KCND2: variants seen among roughly 807,000 people sequenced by gnomAD.
The protein encoded by KCND2 is potassium voltage-gated channel subfamily D member 2.
In KCND2, 16 loss-of-function variants were observed where a neutral mutation model predicts 54.4. The observed-to-expected ratio is 0.29, with a 90% CI of 0.20 to 0.45. The LOEUF is 0.45. KCND2 is among the 20% of genes least tolerant of loss of function. The probability of loss-of-function intolerance (pLI) is 1.00; values close to 1 mark genes in which losing one functional copy is unlikely to be tolerated. For synonymous variants in KCND2, 317 were observed against 310.7 expected (o/e 1.02, Z -0.21); for missense variants, 486 against 824.2 (o/e 0.59, Z 5.02).
chr7:120,402,196 T>C (rs1430949686), intron 1 of KCND2, among the ~76,000 whole-genome samples: 4 of 152,178 alleles, frequency 2.6e-5, no homozygotes, highest in African/African-American at 9.6e-5. Flanking sequence ...CCATTGGCTC[T>C]GTGCTCCCAT....
chr7:120,718,490 T>G (rs1792629981), intron 1 of KCND2, among the ~76,000 whole-genome samples: 2 of 152,180 alleles, frequency 1.3e-5, no homozygotes, highest in South Asian at 4.1e-4. Context: ...TAAGGTTTTA[T>G]TGGATTACAC....
At chr7:120,630,894 C>T (rs1793225851) in intron 1 of KCND2, among the ~76,000 whole-genome samples, 1 of 152,066 alleles carries the variant, frequency 6.6e-6, no homozygotes, top group Non-Finnish European at 1.5e-5. Flanking sequence ...GGTATATGTG[C>T]CTGTTAATGT....
At chr7:120,659,867 AATAGAC>A (rs1397252854) in intron 1 of KCND2, among the ~76,000 whole-genome samples, 1 of 152,214 alleles carries the variant, frequency 6.6e-6, no homozygotes, top group Admixed American at 6.5e-5. Context: ...TTGAAAAAGA[AATAGAC>A]ATAGAAGCAG....
chr7:120,300,773 A>G (rs1290733314), intron 1 of KCND2, among the ~76,000 whole-genome samples: 1 of 152,034 alleles, frequency 6.6e-6, no homozygotes, highest in East Asian at 1.9e-4. Flanking sequence ...TTATAGGCCA[A>G]CTTTGCCCTA....
chr7:120,486,563 C>T (rs527255912), intron 1 of KCND2, among the ~76,000 whole-genome samples: 1 of 152,176 alleles, frequency 6.6e-6, no homozygotes, highest in Admixed American at 6.6e-5. Flanking sequence ...AGCCAATATG[C>T]ACATTCATGG....
At chr7:120,452,666 C>T (rs770327876) in intron 1 of KCND2, among the ~76,000 whole-genome samples, 6 of 152,248 alleles carry the variant, frequency 3.9e-5, no homozygotes, top group East Asian at 1.9e-4. Context: ...GAAGCCCTGA[C>T]GCCCCCATGG....
chr7:120,364,138 A>G (rs967071259), intron 1 of KCND2, among the ~76,000 whole-genome samples: 1 of 152,168 alleles, frequency 6.6e-6, no homozygotes, highest in Non-Finnish European at 1.5e-5. Flanking sequence ...TTATATTTCT[A>G]CCACTTTGAG....
intron 1 of KCND2, among the ~76,000 whole-genome samples, chr7:120,400,339 A>G (rs996833505): frequency 2.0e-5 from 3 of 152,176 alleles, no homozygotes; most frequent in Non-Finnish European, 4.4e-5. Flanking sequence ...TTTCACTATA[A>G]ACTAAACAGC....
chr7:120,399,051 A>G (rs771636586), intron 1 of KCND2, among the ~76,000 whole-genome samples: 3 of 151,512 alleles, frequency 2.0e-5, no homozygotes, highest in Non-Finnish European at 4.4e-5. Context: ...TCCTCTTAAC[A>G]CCCACTTTAC....
At chr7:120,543,001 C>A (rs538312426) in intron 1 of KCND2, among the ~76,000 whole-genome samples, 1 of 152,164 alleles carries the variant, frequency 6.6e-6, no homozygotes, top group African/African-American at 2.4e-5. Context: ...ATAATACACA[C>A]TCCTACATAT....
intron 1 of KCND2, among the ~76,000 whole-genome samples, chr7:120,506,577 T>C (rs140930434): frequency 3.0e-4 from 46 of 152,006 alleles, no homozygotes; most frequent in African/African-American, 1.0e-3. Context: ...TTACAAAACA[T>C]TTATTTTCAT....
intron 1 of KCND2, chr7:120,464,023 T>TA: frequency 1.0e-6 from 1 of 981,126 alleles, no homozygotes; most frequent in Non-Finnish European, 1.2e-6. Flanking sequence ...TTTTGTTTTT[T>TA]TTTTTTTTTC....
At chr7:120,576,620 AT>A (rs543655186) in intron 1 of KCND2, among the ~76,000 whole-genome samples, 45 of 149,152 alleles carry the variant, frequency 3.0e-4, no homozygotes, top group Middle Eastern at 3.5e-3. Flanking sequence ...ATTGAGTACT[AT>A]TTTTTTTTTC....
chr7:120,739,691 C>T (rs773563563), intron 2 of KCND2, among the ~76,000 whole-genome samples: 8 of 151,616 alleles, frequency 5.3e-5, no homozygotes, highest in Non-Finnish European at 8.8e-5. Flanking sequence ...TATCTTAATG[C>T]GATTTTGAGA....
chr7:120,489,098 G>A (rs934681558), intron 1 of KCND2, among the ~76,000 whole-genome samples: 1 of 151,960 alleles, frequency 6.6e-6, no homozygotes, highest in African/African-American at 2.4e-5. Flanking sequence ...TTAAACATGG[G>A]CCAAAATAAT....
intron 1 of KCND2, among the ~76,000 whole-genome samples, chr7:120,308,178 A>G (rs1398894309): frequency 3.3e-5 from 5 of 152,122 alleles, no homozygotes. Flanking sequence ...GAGAGAGAGA[A>G]AAAAAATCTC....
intron 1 of KCND2, among the ~76,000 whole-genome samples, chr7:120,521,656 T>C (rs560998340): frequency 1.3e-5 from 2 of 152,262 alleles, no homozygotes; most frequent in East Asian, 3.9e-4. Context: ...TGTTGTGAGA[T>C]TCAAATGAAG....
intron 1 of KCND2, among the ~76,000 whole-genome samples, chr7:120,595,530 T>A (rs1333796737): frequency 6.9e-6 from 1 of 144,972 alleles, no homozygotes; most frequent in Non-Finnish European, 1.5e-5. Flanking sequence ...TATATATATG[T>A]GTATATATAT....
chr7:120,643,923 G>A (rs1248097491), intron 1 of KCND2, among the ~76,000 whole-genome samples: 33 of 150,750 alleles, frequency 2.2e-4, no homozygotes, highest in Admixed American at 2.2e-3. Flanking sequence ...ATTTTTATAT[G>A]TTATTATTTT....
Sources: gnomAD v4.1 joint callset for allele counts (sites outside exome capture counted in the v4.1 genomes callset) on GRCh38, gnomAD v4.1.1 for gene constraint, MANE v1.5 for transcripts, NCBI Gene and HGNC (gene_info 2026-07-23, HGNC 2026-07-21) for gene names.